Variants in SYN3 observed in about 807,000 individuals in gnomAD.
The protein encoded by SYN3 is synapsin III, also known as synapsin-3.
A neutral mutation model predicts 65.8 loss-of-function variants in SYN3; 35 were observed. The observed-to-expected ratio is 0.53, with a 90% CI of 0.41 to 0.70. The LOEUF is 0.70. SYN3 is among the 30% of genes least tolerant of loss of function. The pLI, the probability that SYN3 is intolerant of heterozygous loss-of-function variation, is 0.00. For missense variants in SYN3, 680 were observed against 749.0 expected (o/e 0.91, Z 1.08); for synonymous variants, 270 against 292.9 (o/e 0.92, Z 0.80).
intron 6 of SYN3, among the ~76,000 whole-genome samples, chr22:32,856,445 A>G (rs956537873): frequency 6.6e-6 from 1 of 152,150 alleles, no homozygotes; most frequent in Non-Finnish European, 1.5e-5. Context: ...GCCACTGGAC[A>G]GCTGAATAGG....
At chr22:32,789,282 C>T (rs999848163) in intron 6 of SYN3, among the ~76,000 whole-genome samples, 2 of 152,218 alleles carry the variant, frequency 1.3e-5, no homozygotes, top group African/African-American at 4.8e-5. Context: ...TCCAGGTATG[C>T]ACAATCTCTT....
intron 6 of SYN3, among the ~76,000 whole-genome samples, chr22:32,641,932 A>G (rs962084745): frequency 1.3e-5 from 2 of 152,106 alleles, no homozygotes; most frequent in Non-Finnish European, 2.9e-5. Context: ...CCAGCCTCCA[A>G]AGATGGAAAC....
Position 32,925,161 on chromosome 22 carries a change from T to C in SYN3, c.461+6229A>G, listed in dbSNP as rs974787578. Among the ~76,000 whole-genome samples, 5 of 152,260 alleles carry C rather than the reference T, an allele frequency of 3.3e-5. No homozygotes were observed. The South Asian group carries it at 6.2e-4, about 19-fold the overall frequency. On this transcript the variant is annotated intron_variant, in intron 4 of 13. Transcript: ENST00000358763. ...GGTTTGGCAGGAGATGCCTGTCTCCTAGCTTCTGATGATTGTCAGCAATTC... is the reference window on the plus strand; with the variant it reads ...GGTTTGGCAGGAGATGCCTGTCTCCCAGCTTCTGATGATTGTCAGCAATTC...
chr22:32,839,281 G>A (rs2047826658), intron 6 of SYN3, among the ~76,000 whole-genome samples: 1 of 152,122 alleles, frequency 6.6e-6, no homozygotes. Flanking sequence ...GTAAATGAGG[G>A]TTGTGGATCC....
intron 4 of SYN3, among the ~76,000 whole-genome samples, chr22:32,927,039 G>A (rs1300764116): frequency 6.6e-6 from 1 of 152,132 alleles, no homozygotes; most frequent in Admixed American, 6.6e-5. Flanking sequence ...CAGTCTCATG[G>A]GGTTAAGGTG....
At chr22:32,942,741 A>G (rs1176753808) in intron 3 of SYN3, among the ~76,000 whole-genome samples, 2 of 152,222 alleles carry the variant, frequency 1.3e-5, no homozygotes, top group Admixed American at 6.5e-5. Flanking sequence ...AGTGTAGAGA[A>G]GTCCTTAAAT....
intron 4 of SYN3, among the ~76,000 whole-genome samples, chr22:32,917,292 T>C (rs1258483142): frequency 6.6e-6 from 1 of 152,130 alleles, no homozygotes; most frequent in Non-Finnish European, 1.5e-5. Context: ...TTAAGCTGTG[T>C]CAACCAGGTG....
rs956328056 is a variant in SYN3, at chr22:32,814,139, TGTGAGAGAGAGA to T, written c.711+50764_711+50775del. The stretch of plus-strand genomic sequence containing the variant: ...GTGTGTGTGTGTGTGTGTGTGTGTG[TGTGAGAGAGAGA>T]GAGAGAGAGAGAGAGAAAGAGAAAG... On this transcript the variant is annotated intron_variant, in intron 6 of 13. Coordinates refer to ENST00000358763, the MANE Select transcript of SYN3 (RefSeq NM_003490.4). Among the ~76,000 whole-genome samples the T allele has an allele frequency of 7.7e-5, 7 of 90,552 alleles. No homozygotes were observed. The East Asian group carries it at 2.0e-3, about 26-fold the overall frequency. The allele number at this position is 90,552 out of a possible 152,430, so 59.4% of individuals were successfully genotyped here.
intron 3 of SYN3, among the ~76,000 whole-genome samples, chr22:32,967,389 G>A (rs1426410929): frequency 1.3e-5 from 2 of 152,156 alleles, no homozygotes; most frequent in Non-Finnish European, 2.9e-5. Flanking sequence ...ACATAAACTC[G>A]TTCTCTGCTA....
At chr22:32,524,209 T>C (rs1231229897) in intron 12 of SYN3, among the ~76,000 whole-genome samples, 1 of 152,262 alleles carries the variant, frequency 6.6e-6, no homozygotes, top group African/African-American at 2.4e-5. Context: ...TTGATGAAAG[T>C]GGCTGTGCTA....
intron 7 of SYN3, among the ~76,000 whole-genome samples, chr22:32,581,132 CTG>C (rs2058934779): frequency 6.6e-6 from 1 of 152,154 alleles, no homozygotes; most frequent in Non-Finnish European, 1.5e-5. Flanking sequence ...TTTTTTGAGA[CTG>C]AGTCTCGCTC....
intron 6 of SYN3, among the ~76,000 whole-genome samples, chr22:32,606,314 A>G (rs2059371563): frequency 6.6e-6 from 1 of 152,176 alleles, no homozygotes. Context: ...TGTGGTAGAC[A>G]TTTAAAACAG....
intron 6 of SYN3, among the ~76,000 whole-genome samples, chr22:32,602,978 CTT>C (rs71184599): frequency 1.0e-4 from 15 of 143,290 alleles, no homozygotes; most frequent in Non-Finnish European, 9.2e-5. Flanking sequence ...TGGAGACATT[CTT>C]TTTTTTTTTT....
intron 7 of SYN3, among the ~76,000 whole-genome samples, chr22:32,570,085 A>G (rs929308532): frequency 6.6e-6 from 1 of 152,186 alleles, no homozygotes; most frequent in Non-Finnish European, 1.5e-5. Flanking sequence ...AGGTGCCACA[A>G]TGGCTGGACT....
At chr22:32,604,727 T>C (rs913193673) in intron 6 of SYN3, among the ~76,000 whole-genome samples, 13 of 152,294 alleles carry the variant, frequency 8.5e-5, no homozygotes, top group Admixed American at 3.9e-4. Flanking sequence ...CATTCATGAC[T>C]GGGCGCGGTG....
intron 4 of SYN3, among the ~76,000 whole-genome samples, chr22:32,880,547 G>A (rs2049101770): frequency 6.6e-6 from 1 of 152,152 alleles, no homozygotes; most frequent in African/African-American, 2.4e-5. Context: ...TGGTGGTGGA[G>A]AGGGTTTACC....
intron 6 of SYN3, among the ~76,000 whole-genome samples, chr22:32,696,857 G>C (rs2147181785): frequency 6.6e-6 from 1 of 152,240 alleles, no homozygotes; most frequent in South Asian, 2.1e-4. Context: ...CTCAAGGCTT[G>C]TGTCTCCTGT....
At chr22:32,781,015 CT>C (rs2046045399) in intron 6 of SYN3, among the ~76,000 whole-genome samples, 1 of 112,260 alleles carries the variant, frequency 8.9e-6, no homozygotes, top group Non-Finnish European at 1.9e-5. Flanking sequence ...TTCTTTCTTT[CT>C]TTCTCTCTCT....
At chr22:33,042,790 T>C (rs2053987938) in intron 1 of SYN3, among the ~76,000 whole-genome samples, 1 of 152,160 alleles carries the variant, frequency 6.6e-6, no homozygotes, top group African/African-American at 2.4e-5. Context: ...TTAGGAATCT[T>C]GAGTAGGAGT....
Sources: gnomAD v4.1 joint callset for allele counts (sites outside exome capture counted in the v4.1 genomes callset) on GRCh38, gnomAD v4.1.1 for gene constraint, MANE v1.5 for transcripts, NCBI Gene and HGNC (gene_info 2026-07-23, HGNC 2026-07-21) for gene names.